The following ZP4 variants were observed in gnomAD, a reference collection of about 807,000 sequenced individuals.
The protein encoded by ZP4 is zona pellucida sperm-binding protein 4.
ZP4 carries 62 observed loss-of-function variants against 62.3 expected under a neutral mutation model. The ratio of observed to expected loss-of-function variants is 0.99; its 90% CI spans 0.81 to 1.23. The LOEUF is 1.23. Ranked by LOEUF, ZP4 falls within the 50% of genes most tolerant of loss-of-function variation. ZP4 has a pLI of 0.00. For synonymous variants in ZP4, 289 were observed against 247.3 expected, an observed-to-expected ratio of 1.17 and a Z score of -1.58; for missense variants, 774 against 656.0, an observed-to-expected ratio of 1.18 and a Z score of -1.97.
intron 10 of ZP4, 116 bp downstream of exon 10, chr1:237,884,653 G>A: frequency 1.1e-5 from 10 of 925,446 alleles, no homozygotes; most frequent in Non-Finnish European, 1.7e-5. Context: ...CAAGTACTTA[G>A]AGAAGCCTTA....
chr1:237,887,315 T>A (rs771592990), intron 5 of ZP4, 59 bp downstream of exon 5: 30 of 1,575,466 alleles, frequency 1.9e-5, no homozygotes, highest in Admixed American at 1.0e-4. Context: ...TCTCCCCCAC[T>A]AGTCACTACA....
chr1:237,886,503 T>G (rs1327211207), intron 6 of ZP4, among the ~76,000 whole-genome samples: 3 of 152,028 alleles, frequency 2.0e-5, no homozygotes, highest in Non-Finnish European at 4.4e-5. Flanking sequence ...TGGAGAAATG[T>G]AGGCTGAAAT....
At chr1:237,889,837 CACAAGA>C (rs1270276656) in intron 3 of ZP4, 24 bp downstream of exon 3, 15 of 1,573,134 alleles carry the variant, frequency 9.5e-6, no homozygotes, top group Non-Finnish European at 1.3e-5. Context: ...CCACCACCCC[CACAAGA>C]CCCTGAGAGC....
rs1271164529 is a variant in ZP4 at position 237,887,454 on chromosome 1, T to C, written c.661A>G (p.Ser221Gly). 1 of 1,614,102 alleles carries C rather than the reference T, an allele frequency of 6.2e-7. No homozygotes were observed. Among genetic ancestry groups the C allele is most frequent in the East Asian group, 2.2e-5 (1 of 44,888 alleles). Residue 221 changes from serine (S) to glycine (G), a missense_variant, in exon 5 of 12, where the codon AGT becomes GGT. Physicochemically the swap from Ser to Gly is moderately conservative, Grantham distance 56 (BLOSUM62 0). Transcript: ENST00000366570. ...GTTGCCATCACAGGGTTACACGCAC[T>C]GTCATTCCTAAGGGCCAAGCGCACA... Reference protein sequence around the residue: ...DSVRLALRNDSACNPVMATQA... With the variant: ...DSVRLALRNDGACNPVMATQA...
chr1:237,883,150 G>A (rs774958464), intron 10 of ZP4, among the ~76,000 whole-genome samples: 2 of 152,116 alleles, frequency 1.3e-5, no homozygotes, highest in Non-Finnish European at 1.5e-5. Context: ...AAATTCAAAG[G>A]TAACTATTAG....
At chr1:237,884,664 G>C in intron 10 of ZP4, 105 bp downstream of exon 10, 1 of 1,055,374 alleles carries the variant, frequency 9.5e-7, no homozygotes, top group South Asian at 1.5e-5. Context: ...AGAAGCCTTA[G>C]TAAGATGAAT....
intron 4 of ZP4, among the ~76,000 whole-genome samples, chr1:237,888,034 C>T (rs540889342): frequency 2.6e-5 from 4 of 152,294 alleles, no homozygotes; most frequent in South Asian, 4.1e-4. Flanking sequence ...AAGCAACAGC[C>T]TTGAAGTGAC....
At chr1:237,884,017 AACACACACAC>A (rs142971801) in intron 10 of ZP4, among the ~76,000 whole-genome samples, 1 of 87,984 alleles carries the variant, frequency 1.1e-5, no homozygotes, top group African/African-American at 4.8e-5. Flanking sequence ...CACACACACA[AACACACACAC>A]ACACAAACAC....
At chr1:237,886,103 T>G (rs1329286210) in intron 6 of ZP4, among the ~76,000 whole-genome samples, 1 of 152,176 alleles carries the variant, frequency 6.6e-6, no homozygotes, top group African/African-American at 2.4e-5. Context: ...GAAATAAAGA[T>G]GCATCATGAG....
chr1:237,887,627 T>C (rs1311621789), intron 4 of ZP4, 66 bp from the exon 5 acceptor site: 1 of 1,513,132 alleles, frequency 6.6e-7, no homozygotes, highest in Non-Finnish European at 8.9e-7. Context: ...CAGATGAAAG[T>C]CTAACCACTT....
chr1:237,890,353 A>G lies in ZP4; in HGVS notation c.175+108T>C, dbSNP rs895552499. 2.0e-6 allele frequency: 3 copies of G among 1,492,560 alleles called. No individual in the cohort carries two copies. The African/African-American group carries it at 4.2e-5, about 21-fold the overall frequency. 92.5% of individuals were successfully genotyped at this position (1,492,560 alleles called of 1,614,324 possible). ...ACTATTTCTTTTGCAGAAAGATGCA[A>G]CAGGGCTCAGAAGGTGAAAGTATCA... On this transcript the variant is annotated intron_variant, in intron 1 of 11. Coordinates refer to ENST00000366570, the MANE Select transcript of ZP4 (RefSeq NM_021186.5).
At position 237,885,199 on chromosome 1, in the gene ZP4, T is replaced by C; in HGVS notation, c.1277A>G (p.Asn426Ser). Residue 426 changes from asparagine (N) to serine (S), a missense_variant, in exon 9 of 12, where the codon AAC becomes AGC. Physicochemically the swap from Asn to Ser is conservative, Grantham distance 46. Coordinates refer to ENST00000366570, the MANE Select transcript of ZP4 (RefSeq NM_021186.5). ...GAGGGCCTGTTTCTCCACTGTAGGGTTCACAAAGCTGAAGGTGAAGATGCT... is the reference window on the plus strand; with the variant it reads ...GAGGGCCTGTTTCTCCACTGTAGGGCTCACAAAGCTGAAGGTGAAGATGCT... ...RFSIFTFSFV[N>S]PTVEKQALRG... The C allele has an allele frequency of 5.6e-6, 9 of 1,613,928 alleles. No homozygotes were observed. The highest frequency in any genetic ancestry group is 7.6e-6 in the Non-Finnish European group (9 of 1,179,990).
At chr1:237,883,611 G>A (rs563531133) in intron 10 of ZP4, among the ~76,000 whole-genome samples, 24 of 109,046 alleles carry the variant, frequency 2.2e-4, no homozygotes, top group Non-Finnish European at 3.7e-4. Context: ...CTACTCAGGA[G>A]GCTGAGGTGG....
chr1:237,883,724 C>A (rs547149013), intron 10 of ZP4, among the ~76,000 whole-genome samples: 2,752 of 8,412 alleles, frequency 0.33, 928 homozygotes, highest in African/African-American at 0.68. Flanking sequence ...CGGGGGAGGG[C>A]GGGGGAGGGA....
intron 10 of ZP4, among the ~76,000 whole-genome samples, chr1:237,884,017 AACACACACACACACAAACAC>A (rs1665027532): frequency 1.8e-4 from 16 of 87,984 alleles, no homozygotes; most frequent in Middle Eastern, 6.0e-3. Flanking sequence ...CACACACACA[AACACACACACACACAAACAC>A]ACACAAACAC....
intron 5 of ZP4, 110 bp downstream of exon 5, chr1:237,887,264 G>T: frequency 5.4e-6 from 7 of 1,284,922 alleles, no homozygotes; most frequent in Non-Finnish European, 7.6e-6. Context: ...CAAACTCCAA[G>T]TAGTAGTCAC....
At position 237,887,278 on chromosome 1, in the gene ZP4, T is replaced by C. The variant is rs866295652; in HGVS notation, c.741+96A>G. ...CCAAACTCCAAGTAGTAGTCACAAG[T>C]ATCGTTCACGGCCAACATATTTCAG... On this transcript the variant is annotated intron_variant, in intron 5 of 11. Transcript: ENST00000366570. 4.6e-5 allele frequency: 64 copies of C among 1,406,406 alleles called. No homozygotes were observed. The Middle Eastern group carries it at 7.2e-3, about 159-fold the overall frequency. 87.1% of individuals were successfully genotyped at this position (1,406,406 alleles called of 1,614,324 possible). A position where few individuals can be genotyped will look rare whatever the true frequency, so the allele number is the denominator to read the frequency against.
Position 237,882,867 on chromosome 1 carries a change from A to G in ZP4, c.1391-21T>C, listed in dbSNP as rs775221059. The G allele has an allele frequency of 4.4e-6, 7 of 1,602,936 alleles. 1 individual carries two copies. The South Asian group carries it at 7.7e-5, about 18-fold the overall frequency. ...TCTTCCTGTTAGAGAAATGAGACCT[A>G]GTAATTCATTAGTTTTTGCACACAT... On this transcript the variant is annotated intron_variant, in intron 10 of 11. Transcript: ENST00000366570.
chr1:237,885,885 G>C lies in ZP4; in HGVS notation c.841C>G (p.Leu281Val). The change falls in exon 7 of 12, where the codon CTC becomes GTC. Residue 281 changes from leucine to valine, a missense_variant and splice_region_variant. Physicochemically the swap from Leu to Val is conservative, Grantham distance 32. Coordinates refer to ENST00000366570, the MANE Select transcript of ZP4 (RefSeq NM_021186.5). ...ACTGAGTAGCTGCAGCTGACATGGA[G>C]CCTGCAGAGAAACAAGATTTTAGCT... is the stretch of plus-strand genomic sequence containing the variant. ...GSVTRDSIFRLHVSCSYSVSS... is the reference protein window; with the variant it reads ...GSVTRDSIFRVHVSCSYSVSS... 1 of 1,614,064 alleles carries C rather than the reference G, an allele frequency of 6.2e-7. No homozygotes were observed. The highest frequency in any genetic ancestry group is 8.5e-7 in the Non-Finnish European group (1 of 1,180,012).
Sources: allele counts gnomAD v4.1 joint callset (sites outside exome capture counted in the v4.1 genomes callset), GRCh38; gene constraint gnomAD v4.1.1; transcripts MANE v1.5; gene names NCBI Gene and HGNC (gene_info 2026-07-23, HGNC 2026-07-21).